Variants in DMD observed in about 807,000 individuals in gnomAD.
The protein encoded by DMD is mutant dystrophin.
Under a neutral mutation model 330.1 loss-of-function variants are expected in DMD, and 63 were observed. That is an observed-to-expected ratio of 0.19 (90% CI 0.16 to 0.24). The LOEUF (loss-of-function observed/expected upper bound fraction) is 0.24, where lower values mean the gene tolerates loss of function less well. Among genes scored for constraint, DMD ranks in the 10% least tolerant of loss-of-function variants. The pLI is 1.00. For synonymous variants in DMD, 1,223 were observed against 959.8 expected (o/e 1.27, Z -5.07); for missense variants, 3,344 against 2,684.1 (o/e 1.25, Z -5.43).
At chrX:32,319,040 G>C (rs1022899604) in intron 41 of DMD, among the ~76,000 whole-genome samples, 1 of 111,556 alleles carries the variant, frequency 9.0e-6, no homozygotes, top group African/African-American at 3.3e-5. Flanking sequence ...CTGATAAACT[G>C]AATCTGGAAA....
rs199774174 is a variant in DMD, at chrX:32,863,537, TACACACACACACACACACAC to T, written c.94-13737_94-13718del. 1.0e-3 allele frequency among the ~76,000 whole-genome samples: 79 copies of T among 78,244 alleles called. 1 individual carries two copies. The highest frequency in any genetic ancestry group is 4.7e-3 in the African/African-American group (75 of 15,951). The allele number at this position is 78,244 out of a possible 115,157, so 67.9% of individuals were successfully genotyped here. On this transcript the variant is annotated intron_variant, in intron 2 of 78. Coordinates refer to ENST00000357033, the MANE Select transcript of DMD (RefSeq NM_004006.3). ...AAAAAAAAAAAAAAGATTGTGTTTA[TACACACACACACACACACAC>T]ACACACACACACACACAAATACACA...
chrX:32,564,845 T>C (rs2149089871), intron 16 of DMD, among the ~76,000 whole-genome samples: 1 of 111,735 alleles, frequency 8.9e-6, no homozygotes, highest in East Asian at 2.8e-4. Flanking sequence ...CTTGTCTCAA[T>C]ATAGAGGAAA....
At chrX:33,203,497 A>C in intron 1 of DMD, among the ~76,000 whole-genome samples, 1 of 111,521 alleles carries the variant, frequency 9.0e-6, no homozygotes, top group Non-Finnish European at 1.9e-5. Flanking sequence ...TATGGGAGGA[A>C]ATTAGGGGTA....
At chrX:32,033,717 TGA>T (rs1399625173) in intron 44 of DMD, among the ~76,000 whole-genome samples, 3 of 104,596 alleles carry the variant, frequency 2.9e-5, no homozygotes, top group African/African-American at 1.1e-4. Flanking sequence ...AAAAAGAAAA[TGA>T]GAGAGAGAGA....
chrX:31,488,598 CTCTT>C (rs747679240), intron 57 of DMD, among the ~76,000 whole-genome samples: 1 of 111,942 alleles, frequency 8.9e-6, no homozygotes, highest in Non-Finnish European at 1.9e-5. Context: ...TTTTCCTTGA[CTCTT>C]TGCTTCCTCT....
At chrX:31,154,795 C>A (rs1284585103) in intron 74 of DMD, among the ~76,000 whole-genome samples, 3 of 111,336 alleles carry the variant, frequency 2.7e-5, no homozygotes, top group Non-Finnish European at 5.6e-5. Flanking sequence ...AATCTATTTA[C>A]GTTCTTGATT....
At chrX:31,440,703 T>G (rs1389078354) in intron 60 of DMD, among the ~76,000 whole-genome samples, 1 of 112,309 alleles carries the variant, frequency 8.9e-6, no homozygotes, top group East Asian at 2.8e-4. Context: ...TGAGGACTTT[T>G]TCTAACTGCA....
intron 11 of DMD, among the ~76,000 whole-genome samples, chrX:32,636,732 G>A (rs745776526): frequency 3.3e-4 from 37 of 111,774 alleles, no homozygotes; most frequent in African/African-American, 1.2e-3. Context: ...GGTGGCTCAT[G>A]CCTGTAATCC....
intron 2 of DMD, among the ~76,000 whole-genome samples, chrX:32,961,838 G>A (rs2091910201): frequency 9.0e-6 from 1 of 111,426 alleles, no homozygotes; most frequent in African/African-American, 3.3e-5. Flanking sequence ...ATGATAGCAA[G>A]AACTAAGTCA....
chrX:33,103,601 C>CTTCCT (rs1296424456), intron 1 of DMD, among the ~76,000 whole-genome samples: 22 of 110,627 alleles, frequency 2.0e-4, no homozygotes, highest in African/African-American at 6.9e-4. Context: ...AAAACGGCCC[C>CTTCCT]ACCCCTATCT....
chrX:32,534,123 A>G (rs1196690747), intron 17 of DMD, among the ~76,000 whole-genome samples: 2 of 112,060 alleles, frequency 1.8e-5, no homozygotes, highest in African/African-American at 3.3e-5. Flanking sequence ...AATACCATAG[A>G]CTGGGTGGCT....
chrX:31,125,057 T>G (rs1176283506), intron 78 of DMD, among the ~76,000 whole-genome samples: 1 of 111,252 alleles, frequency 9.0e-6, no homozygotes, highest in Non-Finnish European at 1.9e-5. Context: ...ACACCTCAGG[T>G]AGTCAAGTCT....
chrX:33,132,309 T>C (rs1483252903), intron 1 of DMD, among the ~76,000 whole-genome samples: 1 of 111,945 alleles, frequency 8.9e-6, no homozygotes, highest in African/African-American at 3.2e-5. Flanking sequence ...TCTAGAATTG[T>C]CCAACTATTC....
At chrX:32,979,976 G>A (rs895073472) in intron 2 of DMD, among the ~76,000 whole-genome samples, 5 of 111,418 alleles carry the variant, frequency 4.5e-5, no homozygotes, top group Admixed American at 2.9e-4. Context: ...TATAGGTTGT[G>A]GCATAAACTT....
chrX:31,624,309 A>G (rs186506684), intron 55 of DMD, among the ~76,000 whole-genome samples: 1 of 111,970 alleles, frequency 8.9e-6, no homozygotes, highest in African/African-American at 3.2e-5. Flanking sequence ...TGATTTTAGT[A>G]AGGAAAGTGA....
rs140534481 is a variant in DMD, at chrX:32,909,327, T to C, written c.94-59507A>G. Among the ~76,000 whole-genome samples, 334 of 111,385 alleles carry C rather than the reference T, an allele frequency of 3.0e-3. 3 individuals carry two copies. Among genetic ancestry groups the C allele is most frequent in the African/African-American group, 0.01 (317 of 30,697 alleles). ...TAGTCAAACTCCAGGGAATTCAATGTAGTTTAAACTCAATACATATTAGGG... is the reference window on the plus strand; with the variant it reads ...TAGTCAAACTCCAGGGAATTCAATGCAGTTTAAACTCAATACATATTAGGG... On this transcript the variant is annotated intron_variant, in intron 2 of 78. Coordinates refer to ENST00000357033, the MANE Select transcript of DMD (RefSeq NM_004006.3).
At chrX:32,449,446 C>A (rs1165379634) in intron 26 of DMD, among the ~76,000 whole-genome samples, 4 of 110,046 alleles carry the variant, frequency 3.6e-5, no homozygotes, top group Non-Finnish European at 7.6e-5. Flanking sequence ...GCAACTTTAG[C>A]CTCATTCTGG....
At chrX:31,607,460 G>A (rs1569554425) in intron 55 of DMD, among the ~76,000 whole-genome samples, 1 of 112,085 alleles carries the variant, frequency 8.9e-6, no homozygotes, top group African/African-American at 3.2e-5. Context: ...TGACATTTTA[G>A]AATGCACTGC....
rs185681781 is a variant in DMD at position 32,771,718 on chromosome X, G to A, written c.649+37775C>T. On this transcript the variant is annotated intron_variant, in intron 7 of 78. Coordinates refer to ENST00000357033, the MANE Select transcript of DMD (RefSeq NM_004006.3). ...ATATACGAGTTTCTGTACCACTTTTGCTATTTCAGAGGTTGACTATTTTAA... is the reference window on the plus strand; with the variant it reads ...ATATACGAGTTTCTGTACCACTTTTACTATTTCAGAGGTTGACTATTTTAA... Among the ~76,000 whole-genome samples the A allele has an allele frequency of 1.1e-3, 127 of 111,438 alleles. 2 individuals carry two copies. Among genetic ancestry groups the A allele is most frequent in the Non-Finnish European group, 2.0e-3 (106 of 53,077 alleles).
Sources: allele counts gnomAD v4.1 joint callset (sites outside exome capture counted in the v4.1 genomes callset), GRCh38; gene constraint gnomAD v4.1.1; transcripts MANE v1.5; gene names NCBI Gene and HGNC (gene_info 2026-07-23, HGNC 2026-07-21).